The following NUP153 variants were observed in gnomAD, a reference collection of about 807,000 sequenced individuals.
NUP153 encodes nucleoporin 153.
NUP153 carries 27 observed loss-of-function variants against 134.6 expected under a neutral mutation model. That is an observed-to-expected ratio of 0.20 (90% CI 0.15 to 0.28). The LOEUF (loss-of-function observed/expected upper bound fraction) is 0.28. Ranked by LOEUF, NUP153 falls within the 10% of genes least tolerant of loss-of-function variation. The pLI is 1.00. For missense variants in NUP153, 1,821 were observed against 1,731.3 expected (o/e 1.05, Z -0.92); for synonymous variants, 640 against 623.5 (o/e 1.03, Z -0.40).
At chr6:17,623,355 G>GC in intron 20 of NUP153, among the ~76,000 whole-genome samples, 1 of 72,540 alleles carries the variant, frequency 1.4e-5, no homozygotes, top group African/African-American at 5.9e-5. Flanking sequence ...CTGAAAAATG[G>GC]CCAAAAAAAA....
chr6:17,621,931 A>G (rs138546875), intron 20 of NUP153, among the ~76,000 whole-genome samples: 263 of 152,298 alleles, frequency 1.7e-3, no homozygotes, highest in African/African-American at 5.9e-3. Context: ...AAAATAACAC[A>G]TCAGTTTTTA....
chr6:17,636,644 CAG>C lies in NUP153; in HGVS notation c.2464+507_2464+508del, dbSNP rs552785047. On this transcript the variant is annotated intron_variant, in intron 16 of 21. Coordinates refer to ENST00000262077, the MANE Select transcript of NUP153 (RefSeq NM_005124.4). ...ATTCTTCCAACTTTGAACAGAGAAA[CAG>C]AAAAAACTCAAAACTAACTCCATGT... Among the ~76,000 whole-genome samples, 351 of 152,158 alleles carry C rather than the reference CAG, an allele frequency of 2.3e-3. 1 individual carries two copies. The highest frequency in any genetic ancestry group is 7.9e-3 in the African/African-American group (327 of 41,528).
At position 17,648,948 on chromosome 6, in the gene NUP153, T is replaced by A. The variant is rs142956913; in HGVS notation, c.1533+215A>T. ...AAATTTACAAGAATATCCTTCTCTA[T>A]GGTATTGCATAAGAGTTGAGGAACA... On this transcript the variant is annotated intron_variant, in intron 12 of 21. Transcript: ENST00000262077. 8.8e-3 allele frequency among the ~76,000 whole-genome samples: 1,347 copies of A among 152,322 alleles called. 9 individuals are homozygous for A. The highest frequency in any genetic ancestry group is 0.014 in the Non-Finnish European group (935 of 68,036).
In NUP153 at chr6:17,665,608, C is replaced by T. The variant is rs112785312; in HGVS notation, c.1069-223G>A. 2.6e-3 allele frequency among the ~76,000 whole-genome samples: 390 copies of T among 152,214 alleles called. 6 individuals are homozygous for T. Among genetic ancestry groups the T allele is most frequent in the African/African-American group, 8.7e-3 (361 of 41,530 alleles). On this transcript the variant is annotated intron_variant, in intron 8 of 21. Transcript: ENST00000262077. ...ATACACACATATAATTCTAAAATGG[C>T]TTCACGGATACTCTATATTTCATTC... is the stretch of plus-strand genomic sequence containing the variant.
rs1441032202 is a variant in NUP153, at chr6:17,680,787, A to G, written c.335-5017T>C. On this transcript the variant is annotated intron_variant, in intron 2 of 21. Transcript: ENST00000262077. The surrounding 1 kb of genome is among the most constrained non-coding windows in gnomAD (Gnocchi z 4.5). ...AAGGCAATAATGGATGCTGGTGAGG[A>G]TGTAGAGAAAGGAGAATCCTTGTAC... Among the ~76,000 whole-genome samples, 6 of 152,232 alleles carry G rather than the reference A, an allele frequency of 3.9e-5. No homozygotes were observed. The highest frequency in any genetic ancestry group is 3.3e-4 in the Admixed American group (5 of 15,284).
At position 17,680,209 on chromosome 6, in the gene NUP153, T is replaced by C. The variant is rs963130151; in HGVS notation, c.335-4439A>G. On this transcript the variant is annotated intron_variant, in intron 2 of 21. Transcript: ENST00000262077. The surrounding 1 kb of genome is among the most constrained non-coding windows in gnomAD (Gnocchi z 4.5). ...TGCTTGGGTCCGTGTTAATTTCCAT[T>C]ACATGGGAAACCAAAGAGCCTGTGG... is the stretch of plus-strand genomic sequence containing the variant. Among the ~76,000 whole-genome samples the C allele has an allele frequency of 1.3e-5, 2 of 152,058 alleles. No homozygotes were observed. The highest frequency in any genetic ancestry group is 2.9e-5 in the Non-Finnish European group (2 of 68,024).
intron 5 of NUP153, among the ~76,000 whole-genome samples, chr6:17,671,105 A>C (rs138040866): frequency 1.6e-4 from 25 of 152,096 alleles, no homozygotes; most frequent in Non-Finnish European, 1.6e-4. Flanking sequence ...CACCTGGTCT[A>C]ATCCCATTAA....
intron 1 of NUP153, among the ~76,000 whole-genome samples, chr6:17,703,530 CATG>C (rs1770260162): frequency 6.6e-6 from 1 of 152,174 alleles, no homozygotes; most frequent in Admixed American, 6.5e-5. Flanking sequence ...AAGCTTGCTT[CATG>C]ATGACTCAGC....
intron 2 of NUP153, among the ~76,000 whole-genome samples, chr6:17,686,884 G>GC (rs1441421824): frequency 6.7e-6 from 1 of 148,328 alleles, no homozygotes; most frequent in Non-Finnish European, 1.5e-5. Flanking sequence ...GGGCAGCCGG[G>GC]GGCGGGCGGC....
At position 17,624,810 on chromosome 6, in the gene NUP153, CAG is replaced by C. The variant is rs773996421; in HGVS notation, c.3923_3924del (p.Thr1308ArgfsTer14). ...SSAGSSFVFGTGPSAPSASPA... is the reference protein window; with the variant it reads ...SSAGSSFVFGXGPSAPSASPA... ...GGACTGGCAGATGGTGCTGAGGGTCCAGTTCCAAATACAAAGGAGGATCCTGG... is the reference window on the plus strand; with the variant it reads ...GGACTGGCAGATGGTGCTGAGGGTCCTTCCAAATACAAAGGAGGATCCTGG... On this transcript the variant is annotated frameshift_variant, in exon 20 of 22. Coordinates refer to ENST00000262077, the MANE Select transcript of NUP153 (RefSeq NM_005124.4). LOFTEE classifies it high-confidence loss of function. The C allele has an allele frequency of 6.2e-7, 1 of 1,610,516 alleles. No homozygotes were observed. Among genetic ancestry groups the C allele is most frequent in the Non-Finnish European group, 8.5e-7 (1 of 1,177,748 alleles).
At chr6:17,665,466 T>C (rs1767477147) in intron 8 of NUP153, 81 bp from the exon 9 acceptor site, 1 of 1,095,462 alleles carries the variant, frequency 9.1e-7, no homozygotes, top group Admixed American at 2.1e-5. Context: ...ATAGCTAACA[T>C]GACCTAAAGA....
At chr6:17,636,734 C>CT (rs1351113623) in intron 16 of NUP153, among the ~76,000 whole-genome samples, 1 of 152,196 alleles carries the variant, frequency 6.6e-6, no homozygotes, top group African/African-American at 2.4e-5. Context: ...CAGCTACAGC[C>CT]TTTTCATTAA....
At chr6:17,626,409 G>C (rs1489560971) in intron 18 of NUP153, among the ~76,000 whole-genome samples, 1 of 152,134 alleles carries the variant, frequency 6.6e-6, no homozygotes, top group African/African-American at 2.4e-5. Context: ...TGGCATTCAG[G>C]TTAATAAAAA....
chr6:17,651,217 G>T (rs1034288404), intron 11 of NUP153, among the ~76,000 whole-genome samples: 1 of 152,036 alleles, frequency 6.6e-6, no homozygotes, highest in African/African-American at 2.4e-5. Context: ...GTGGGAGAAT[G>T]GCCTGAGTCC....
At chr6:17,630,743 G>GGGGAGAA (rs1765204574) in intron 17 of NUP153, among the ~76,000 whole-genome samples, 1 of 144,256 alleles carries the variant, frequency 6.9e-6, no homozygotes, top group Non-Finnish European at 1.6e-5. Context: ...GGAGAGGGGA[G>GGGGAGAA]GGGAGAAGGG....
In NUP153 at chr6:17,629,189, T is replaced by G; in HGVS notation, c.3010A>C (p.Asn1004His). Residue 1004 changes from asparagine (N) to histidine (H), a missense_variant, in exon 18 of 22, where the codon AAT becomes CAT. Asn to His is a moderately conservative substitution (Grantham distance 68, BLOSUM62 1). Transcript: ENST00000262077. ...TCTTTCTTTTCTTCCTGTCCAAGATTAGATACCCCAAATTGAAATGGAGTT... is the reference window on the plus strand; with the variant it reads ...TCTTTCTTTTCTTCCTGTCCAAGATGAGATACCCCAAATTGAAATGGAGTT... ...SLTPFQFGVS[N>H]LGQEEKKEEL... 1 of 1,613,298 alleles carries G rather than the reference T, an allele frequency of 6.2e-7. No homozygotes were observed. The highest frequency in any genetic ancestry group is 8.5e-7 in the Non-Finnish European group (1 of 1,179,854).
In NUP153 at chr6:17,660,298, G is replaced by A. The variant is rs185551776; in HGVS notation, c.1395+1355C>T. On this transcript the variant is annotated intron_variant, in intron 11 of 21. Transcript: ENST00000262077. ...TCCTAAAACTCATTGGTCAATGAGG[G>A]AGTCACTGGTGAAATTTTAATTAGA... Among the ~76,000 whole-genome samples the A allele has an allele frequency of 2.5e-3, 377 of 152,240 alleles. 5 individuals are homozygous for A. The highest frequency in any genetic ancestry group is 8.4e-3 in the African/African-American group (350 of 41,542).
intron 5 of NUP153, among the ~76,000 whole-genome samples, chr6:17,672,655 C>T (rs1244629168): frequency 6.6e-6 from 1 of 152,028 alleles, no homozygotes; most frequent in Non-Finnish European, 1.5e-5. Context: ...AACACTAGAA[C>T]AATTGCACAC....
chr6:17,635,713 T>C (rs539603487), intron 16 of NUP153, among the ~76,000 whole-genome samples: 2 of 152,356 alleles, frequency 1.3e-5, no homozygotes, highest in South Asian at 2.1e-4. Flanking sequence ...GCCTATATGA[T>C]TGATACCACT....
Sources: gnomAD v4.1 joint callset for allele counts (sites outside exome capture counted in the v4.1 genomes callset) on GRCh38, gnomAD v4.1.1 for gene constraint, Gnocchi (gnomAD v3.1) non-coding constraint, MANE v1.5 for transcripts, NCBI Gene and HGNC (gene_info 2026-07-23, HGNC 2026-07-21) for gene names.